Variants in RBFOX1 observed in about 807,000 individuals in gnomAD.
The protein encoded by RBFOX1 is RNA binding fox-1 homolog 1.
In RBFOX1, 8 loss-of-function variants were observed where a neutral mutation model predicts 57.7. That is an observed-to-expected ratio of 0.14 (90% CI 0.08 to 0.25). The LOEUF is 0.25. RBFOX1 is among the 10% of genes least tolerant of loss of function. The pLI is 1.00. For synonymous variants in RBFOX1, 326 were observed against 222.4 expected, an observed-to-expected ratio of 1.47 and a Z score of -4.15; for missense variants, 611 against 548.5, an observed-to-expected ratio of 1.11 and a Z score of -1.14.
chr16:6,470,496 A>G (rs62016766), intron 2 of RBFOX1, among the ~76,000 whole-genome samples: 19,979 of 152,232 alleles, frequency 0.13, 1,547 homozygotes, highest in Middle Eastern at 0.17. Flanking sequence ...CAAATATGTC[A>G]GTCTTTCTAT....
chr16:7,427,389 A>G (rs924792049), intron 4 of RBFOX1, among the ~76,000 whole-genome samples: 1 of 152,166 alleles, frequency 6.6e-6, no homozygotes, highest in African/African-American at 2.4e-5. Context: ...AGAACCCCCA[A>G]GTTTGAGAGC....
intron 1 of RBFOX1, among the ~76,000 whole-genome samples, chr16:6,225,019 CAAAAAAAAA>C (rs59261521): frequency 7.9e-5 from 6 of 76,046 alleles, no homozygotes; most frequent in African/African-American, 2.8e-4. Flanking sequence ...AACTCCATCT[CAAAAAAAAA>C]AAAAAAAAAA....
chr16:5,780,062 G>C (rs1020962401), intron 3 of RBFOX1, among the ~76,000 whole-genome samples: 8 of 152,206 alleles, frequency 5.3e-5, no homozygotes, highest in African/African-American at 1.7e-4. Flanking sequence ...GGAGTGTAGT[G>C]GCACAATCTC....
chr16:6,879,200 T>A (rs998149085), intron 3 of RBFOX1, among the ~76,000 whole-genome samples: 1 of 152,176 alleles, frequency 6.6e-6, no homozygotes, highest in Non-Finnish European at 1.5e-5. Context: ...TGTCCAGTAA[T>A]ATGATATTTT....
intron 4 of RBFOX1, among the ~76,000 whole-genome samples, chr16:7,077,358 A>G (rs1426471592): frequency 2.0e-5 from 3 of 152,320 alleles, no homozygotes; most frequent in South Asian, 2.1e-4. Context: ...GTTTTACGTG[A>G]TGAATTTTCC....
chr16:5,544,406 T>C (rs947021323), intron 2 of RBFOX1, among the ~76,000 whole-genome samples: 2 of 152,192 alleles, frequency 1.3e-5, no homozygotes, highest in African/African-American at 4.8e-5. Flanking sequence ...ATCAAAATTT[T>C]GTGGGATACT....
At chr16:7,176,153 G>C (rs1441851276) in intron 4 of RBFOX1, among the ~76,000 whole-genome samples, 4 of 150,868 alleles carry the variant, frequency 2.7e-5, no homozygotes, top group African/African-American at 9.8e-5. Flanking sequence ...CATGCTAGGT[G>C]TGTGATTTTG....
intron 2 of RBFOX1, among the ~76,000 whole-genome samples, chr16:5,593,212 A>C (rs2151188017): frequency 6.6e-6 from 1 of 152,252 alleles, no homozygotes; most frequent in South Asian, 2.1e-4. Flanking sequence ...GAAGCTAGAA[A>C]CCATCATTCT....
At chr16:6,317,572 A>T (rs2081266610) in intron 2 of RBFOX1, among the ~76,000 whole-genome samples, 1 of 152,124 alleles carries the variant, frequency 6.6e-6, no homozygotes, top group Non-Finnish European at 1.5e-5. Flanking sequence ...TTACTTTAAG[A>T]TGCTGGGGTA....
intron 3 of RBFOX1, among the ~76,000 whole-genome samples, chr16:6,718,472 T>A (rs1205746589): frequency 6.6e-6 from 1 of 151,500 alleles, no homozygotes; most frequent in East Asian, 1.9e-4. Context: ...TGATAGGTGT[T>A]CACGGTTGGA....
intron 2 of RBFOX1, among the ~76,000 whole-genome samples, chr16:5,586,884 C>A (rs1035632436): frequency 3.3e-5 from 5 of 152,182 alleles, no homozygotes; most frequent in African/African-American, 4.8e-5. Context: ...CCTTGAAATG[C>A]TGACACTCTT....
intron 3 of RBFOX1, among the ~76,000 whole-genome samples, chr16:7,025,508 G>A (rs1276324771): frequency 6.6e-6 from 1 of 152,164 alleles, no homozygotes; most frequent in African/African-American, 2.4e-5. Context: ...AGCCCCTATG[G>A]AAGATGGAGT....
rs533383182 is a variant in RBFOX1, at chr16:6,264,135, G to T, written c.-126-52860G>T. On this transcript the variant is annotated intron_variant, in intron 1 of 15. Coordinates refer to ENST00000550418, the MANE Select transcript of RBFOX1 (RefSeq NM_018723.4). ...CAACTTCTTCTACTGCCTGCCCATT[G>T]CTTTGGGTTCCTTTTCTTGCAAGTT... 1.9e-4 allele frequency among the ~76,000 whole-genome samples: 29 copies of T among 152,244 alleles called. No individual in the cohort carries two copies. The East Asian group carries it at 1.9e-3, about 10-fold the overall frequency.
At chr16:6,093,338 T>C (rs201895520) in intron 1 of RBFOX1, among the ~76,000 whole-genome samples, 52 of 151,984 alleles carry the variant, frequency 3.4e-4, no homozygotes, top group South Asian at 3.3e-3. Context: ...ACTTGGAAGG[T>C]TGAGGTGGGA....
At chr16:7,589,253 T>C (rs2094306606) in intron 7 of RBFOX1, among the ~76,000 whole-genome samples, 1 of 152,232 alleles carries the variant, frequency 6.6e-6, no homozygotes, top group African/African-American at 2.4e-5. Context: ...TGTTGTTTTT[T>C]AATATGTTTA....
intron 3 of RBFOX1, among the ~76,000 whole-genome samples, chr16:6,806,837 T>TTTATATATATATATATA (rs2086949676): frequency 1.5e-4 from 10 of 68,900 alleles, no homozygotes; most frequent in African/African-American, 4.5e-4. Context: ...TATATATATA[T>TTTATATATATATATATA]TTTTTTTTTT....
At chr16:5,693,573 C>A (rs1004601195) in intron 3 of RBFOX1, among the ~76,000 whole-genome samples, 12 of 152,000 alleles carry the variant, frequency 7.9e-5, no homozygotes, top group African/African-American at 2.7e-4. Context: ...GCAGGTCAGG[C>A]CCTTCTTTCA....
At chr16:7,086,276 G>A (rs1427376548) in intron 4 of RBFOX1, among the ~76,000 whole-genome samples, 5 of 152,096 alleles carry the variant, frequency 3.3e-5, no homozygotes, top group Admixed American at 6.6e-5. Context: ...CAAGGGGCTC[G>A]GTTAAGCAGT....
intron 4 of RBFOX1, among the ~76,000 whole-genome samples, chr16:7,275,968 C>A (rs569125979): frequency 1.3e-5 from 2 of 152,186 alleles, no homozygotes; most frequent in African/African-American, 4.8e-5. Flanking sequence ...CGAAGTGTGT[C>A]ATCATATAAA....
Sources: allele counts gnomAD v4.1 joint callset (sites outside exome capture counted in the v4.1 genomes callset), GRCh38; gene constraint gnomAD v4.1.1; transcripts MANE v1.5; gene names NCBI Gene and HGNC (gene_info 2026-07-23, HGNC 2026-07-21).